FANCI: variants seen among roughly 807,000 people sequenced by gnomAD.
The protein encoded by FANCI is Fanconi anemia group I protein.
A neutral mutation model predicts 176.1 loss-of-function variants in FANCI; 156 were observed. The ratio of observed to expected loss-of-function variants is 0.89; its 90% CI spans 0.78 to 1.01. The LOEUF (loss-of-function observed/expected upper bound fraction) is 1.01. FANCI is among the 50% of genes least tolerant of loss of function. The pLI, the probability that FANCI is intolerant of heterozygous loss-of-function variation, is 0.00. For synonymous variants in FANCI, 613 were observed against 541.7 expected (o/e 1.13, Z -1.83); for missense variants, 1,678 against 1,534.1 (o/e 1.09, Z -1.57).
At position 89,276,801 on chromosome 15, in the gene FANCI, A is replaced by T; in HGVS notation, c.1203A>T (p.Gly401=). The change falls in exon 13 of 38, where the codon GGA becomes GGT. Residue 401 remains glycine, a synonymous_variant. Coordinates refer to ENST00000310775, the MANE Select transcript of FANCI (RefSeq NM_001113378.2). ...ATGGGCCAAAGAAGGTTCTTGATGGAAAAACTATTGAAACCAGCCCAAGTC... is the reference window on the plus strand; with the variant it reads ...ATGGGCCAAAGAAGGTTCTTGATGGTAAAACTATTGAAACCAGCCCAAGTC... ...DSYGPKKVLD[G]KTIETSPSLS... The T allele has an allele frequency of 6.2e-7, 1 of 1,614,186 alleles. No homozygotes were observed.
chr15:89,286,062 C>T (rs2053803985), intron 18 of FANCI, among the ~76,000 whole-genome samples: 1 of 152,172 alleles, frequency 6.6e-6, no homozygotes, highest in South Asian at 2.1e-4. Context: ...CGGTTCACTG[C>T]AGCCTCCATC....
chr15:89,311,622 T>C (rs62022585), intron 34 of FANCI, among the ~76,000 whole-genome samples: 7,787 of 152,188 alleles, frequency 0.051, 249 homozygotes, highest in Middle Eastern at 0.085. Context: ...CTTCACCCTC[T>C]TCCATGCTCT....
At chr15:89,315,166 G>A (rs878893313) in intron 36 of FANCI, 116 bp from the exon 37 acceptor site, 34 of 788,016 alleles carry the variant, frequency 4.3e-5, no homozygotes, top group East Asian at 1.5e-4. Context: ...AAGTGGGTGC[G>A]TGCTTGCTTT....
At chr15:89,273,342 A>G in intron 10 of FANCI, 35 bp from the exon 11 acceptor site, 1 of 996,220 alleles carries the variant, frequency 1.0e-6, no homozygotes, top group Non-Finnish European at 1.6e-6. Context: ...AAGAAAATGT[A>G]AGTAAATGAC....
intron 16 of FANCI, 44 bp from the exon 17 acceptor site, chr15:89,283,092 C>G: frequency 6.2e-7 from 1 of 1,601,904 alleles, no homozygotes; most frequent in Non-Finnish European, 8.6e-7. Flanking sequence ...AAGCATATTC[C>G]TGTGAAATAG....
intron 12 of FANCI, among the ~76,000 whole-genome samples, chr15:89,275,103 T>TC (rs2053361317): frequency 6.7e-6 from 1 of 149,256 alleles, no homozygotes; most frequent in East Asian, 2.0e-4. Context: ...TTTTTTTTTT[T>TC]CTGAAGACGT....
At chr15:89,288,090 A>G (rs185790191) in intron 18 of FANCI, among the ~76,000 whole-genome samples, 4 of 152,228 alleles carry the variant, frequency 2.6e-5, no homozygotes, top group Non-Finnish European at 2.9e-5. Context: ...TGTAAACGTA[A>G]TATCTGCGAA....
In FANCI at chr15:89,316,763, C is replaced by A. The variant is rs3087374; in HGVS notation, c.*304C>A. 117,025 of 1,612,344 alleles carry A rather than the reference C, an allele frequency of 0.073. 5,095 individuals carry two copies. The highest frequency in any genetic ancestry group is 0.084 in the Middle Eastern group (508 of 6,054). ...CCTCCAGGCAGTGCTATGGTCCAGG[C>A]TGGCTTCGTTTTTCCAAGGAGCCTT... is the stretch of plus-strand genomic sequence containing the variant. On this transcript the variant is annotated 3_prime_UTR_variant, in exon 38 of 38. Coordinates refer to ENST00000310775, the MANE Select transcript of FANCI (RefSeq NM_001113378.2).
chr15:89,287,636 C>A (rs954263840), intron 18 of FANCI, among the ~76,000 whole-genome samples: 1 of 152,210 alleles, frequency 6.6e-6, no homozygotes, highest in African/African-American at 2.4e-5. Context: ...ACATGCCTTA[C>A]TAAACTGGAT....
At position 89,300,379 on chromosome 15, in the gene FANCI, A is replaced by G. The variant is rs11556721; in HGVS notation, c.2883A>G (p.Gln961=). The part of the protein sequence containing the change: ...VTQRTAFQIR[Q]FQRSLLNLLS... ...AGAGAACAGCATTCCAGATCCGGCAATTTCAGGTGAGAAGCCTTGCAAAGC... is the reference window on the plus strand; with the variant it reads ...AGAGAACAGCATTCCAGATCCGGCAGTTTCAGGTGAGAAGCCTTGCAAAGC... Residue 961 remains glutamine (Q), a synonymous_variant, in exon 26 of 38, where the codon CAA becomes CAG. Coordinates refer to ENST00000310775, the MANE Select transcript of FANCI (RefSeq NM_001113378.2). 906 of 1,613,788 alleles carry G rather than the reference A, an allele frequency of 5.6e-4. 8 individuals carry two copies. The African/African-American group carries it at 0.011, about 19-fold the overall frequency.
Position 89,290,290 on chromosome 15 carries a change from C to G in FANCI, c.1890+9C>G. The G allele has an allele frequency of 6.2e-7, 1 of 1,604,140 alleles. No individual in the cohort carries two copies. The highest frequency in any genetic ancestry group is 8.5e-7 in the Non-Finnish European group (1 of 1,171,006). ...AAACTCTGCTCTCACAGGTAAAATA[C>G]ATTTTTATGGATATATGGAAAACAG... is the stretch of plus-strand genomic sequence containing the variant. On this transcript the variant is annotated intron_variant, in intron 19 of 37. Coordinates refer to ENST00000310775, the MANE Select transcript of FANCI (RefSeq NM_001113378.2).
At chr15:89,250,812 A>C (rs931198327) in intron 2 of FANCI, among the ~76,000 whole-genome samples, 1 of 151,608 alleles carries the variant, frequency 6.6e-6, no homozygotes, top group African/African-American at 2.4e-5. Context: ...AAAATACTAC[A>C]TGTTAAAAAT....
chr15:89,267,127 C>G (rs2052995535), intron 9 of FANCI, among the ~76,000 whole-genome samples: 1 of 151,918 alleles, frequency 6.6e-6, no homozygotes, highest in South Asian at 2.1e-4. Flanking sequence ...TCAAGACCAG[C>G]CTGGATGACA....
At chr15:89,291,405 A>G (rs2054063763) in intron 19 of FANCI, among the ~76,000 whole-genome samples, 1 of 152,220 alleles carries the variant, frequency 6.6e-6, no homozygotes, top group Non-Finnish European at 1.5e-5. Context: ...TGGAATAGGA[A>G]AGATGATCCT....
intron 36 of FANCI, 49 bp downstream of exon 36, chr15:89,314,756 AG>A (rs1567180745): frequency 1.4e-6 from 2 of 1,381,728 alleles, no homozygotes; most frequent in East Asian, 4.6e-5. Context: ...CCTTCTTGAC[AG>A]ATCTGGCAAA....
At chr15:89,311,363 G>A (rs2054952773) in intron 34 of FANCI, among the ~76,000 whole-genome samples, 1 of 152,316 alleles carries the variant, frequency 6.6e-6, no homozygotes, top group African/African-American at 2.4e-5. Flanking sequence ...AGGTTGCAGT[G>A]AGCTGAGATC....
intron 3 of FANCI, among the ~76,000 whole-genome samples, chr15:89,260,347 T>TA (rs2151246207): frequency 1.3e-5 from 2 of 152,302 alleles, no homozygotes; most frequent in South Asian, 4.1e-4. Flanking sequence ...TAGAGCACAT[T>TA]AAAAAAGTCA....
chr15:89,255,584 GTTC>G (rs1268138941), intron 2 of FANCI, among the ~76,000 whole-genome samples: 1 of 152,152 alleles, frequency 6.6e-6, no homozygotes, highest in Non-Finnish European at 1.5e-5. Context: ...TATCACCTGT[GTTC>G]TTGTGAGACC....
At chr15:89,305,833 G>C (rs1404495430) in intron 31 of FANCI, 135 bp downstream of exon 31, 1 of 1,107,112 alleles carries the variant, frequency 9.0e-7, no homozygotes, top group Non-Finnish European at 1.4e-6. Context: ...CCTATGTGAT[G>C]AAAGAAGTAG....
Sources: gnomAD v4.1 joint callset for allele counts (sites outside exome capture counted in the v4.1 genomes callset) on GRCh38, gnomAD v4.1.1 for gene constraint, MANE v1.5 for transcripts, NCBI Gene and HGNC (gene_info 2026-07-23, HGNC 2026-07-21) for gene names.